The following PCDHGA7 variants were observed in gnomAD, a reference collection of about 807,000 sequenced individuals.
PCDHGA7 encodes protocadherin gamma subfamily A, 7, also known as protocadherin gamma-A7.
PCDHGA7 carries 44 observed loss-of-function variants against 58.3 expected under a neutral mutation model. The ratio of observed to expected loss-of-function variants is 0.75; its 90% CI spans 0.59 to 0.97. The LOEUF (loss-of-function observed/expected upper bound fraction) is 0.97, where lower values mean the gene tolerates loss of function less well. Among genes scored for constraint, PCDHGA7 ranks in the 50% least tolerant of loss-of-function variants. PCDHGA7 has a pLI of 0.00. For synonymous variants in PCDHGA7, 516 were observed against 504.2 expected, an observed-to-expected ratio of 1.02 and a Z score of -0.31; for missense variants, 1,266 against 1,188.7, an observed-to-expected ratio of 1.06 and a Z score of -0.96.
At chr5:141,456,352 C>T (rs1253586137) in intron 1 of PCDHGA7, among the ~76,000 whole-genome samples, 1 of 152,050 alleles carries the variant, frequency 6.6e-6, no homozygotes, top group Non-Finnish European at 1.5e-5. Flanking sequence ...GGAAGAATGG[C>T]GTCCATGTGT....
At chr5:141,497,307 C>T (rs1295364802) in intron 2 of PCDHGA7, among the ~76,000 whole-genome samples, 1 of 152,096 alleles carries the variant, frequency 6.6e-6, no homozygotes, top group Non-Finnish European at 1.5e-5. Flanking sequence ...CCAGGCCATA[C>T]ACTGGCTTTG....
intron 1 of PCDHGA7, among the ~76,000 whole-genome samples, chr5:141,444,203 C>A (rs2098425806): frequency 1.3e-5 from 1 of 79,180 alleles, no homozygotes; most frequent in Admixed American, 2.0e-4. Context: ...TGGAGTTTCA[C>A]TCTTGTTGCC....
chr5:141,397,200 G>A (rs2093487150), intron 1 of PCDHGA7, among the ~76,000 whole-genome samples: 1 of 152,154 alleles, frequency 6.6e-6, no homozygotes, highest in Non-Finnish European at 1.5e-5. Context: ...TAAAAGATAT[G>A]ACATAAGAGA....
chr5:141,463,965 C>T (rs1207852177), intron 1 of PCDHGA7, among the ~76,000 whole-genome samples: 1 of 151,648 alleles, frequency 6.6e-6, no homozygotes, highest in African/African-American at 2.4e-5. Context: ...AAAATAGCTT[C>T]ATAAAACTCC....
In PCDHGA7 at chr5:141,383,834, C is replaced by T; in HGVS notation, c.935C>T (p.Thr312Ile). Residue 312 changes from threonine (T) to isoleucine (I), a missense_variant, in exon 1 of 4, where the codon ACT becomes ATT. Transcript: ENST00000518325. ...TTAGAAGGATTAGATTATGAAGAAACTGCCTTCTATGAAATGGAGGTTCAG... is the reference window on the plus strand; with the variant it reads ...TTAGAAGGATTAGATTATGAAGAAATTGCCTTCTATGAAATGGAGGTTCAG... ...STLEGLDYEE[T>I]AFYEMEVQAQ... 2.5e-6 allele frequency: 4 copies of T among 1,613,906 alleles called. No individual in the cohort carries two copies. Among genetic ancestry groups the T allele is most frequent in the Non-Finnish European group, 3.4e-6 (4 of 1,179,844 alleles).
chr5:141,413,134 G>A, intron 1 of PCDHGA7: 1 of 1,543,438 alleles, frequency 6.5e-7, no homozygotes, highest in South Asian at 1.3e-5. Flanking sequence ...AACACACAAC[G>A]TGTCCAGTGA....
intron 1 of PCDHGA7, among the ~76,000 whole-genome samples, chr5:141,436,896 A>C (rs567359498): frequency 6.6e-6 from 1 of 152,368 alleles, no homozygotes; most frequent in East Asian, 1.9e-4. Context: ...AAAGATTTTT[A>C]TATGAGACAA....
intron 1 of PCDHGA7, among the ~76,000 whole-genome samples, chr5:141,444,150 GGATTT>G (rs2098419598): frequency 1.8e-5 from 2 of 114,012 alleles, no homozygotes; most frequent in Non-Finnish European, 3.5e-5. Flanking sequence ...TGTGTGTACT[GGATTT>G]TTTTTTTTTT....
chr5:141,386,951 G>C (rs1313182720), intron 1 of PCDHGA7, among the ~76,000 whole-genome samples: 4 of 152,342 alleles, frequency 2.6e-5, no homozygotes, highest in Non-Finnish European at 4.4e-5. Flanking sequence ...CAGTGCTTCA[G>C]TGCAGCAGAT....
At chr5:141,461,614 T>G (rs954890718) in intron 1 of PCDHGA7, among the ~76,000 whole-genome samples, 11 of 152,208 alleles carry the variant, frequency 7.2e-5, no homozygotes, top group Non-Finnish European at 1.2e-4. Flanking sequence ...TTCAAAGTAT[T>G]TTCTAATACA....
chr5:141,386,090 T>C (rs184634259), intron 1 of PCDHGA7: 1 of 152,362 alleles, frequency 6.6e-6, no homozygotes, highest in Non-Finnish European at 1.5e-5. Context: ...TACAGCCAGA[T>C]GAAGTGTGTC....
rs1173306822 is a variant in PCDHGA7 at position 141,431,115 on chromosome 5, T to C, written c.2424+45792T>C. The C allele has an allele frequency of 9.3e-6, 15 of 1,613,492 alleles. No individual in the cohort carries two copies. The highest frequency in any genetic ancestry group is 1.3e-5 in the Non-Finnish European group (15 of 1,179,878). On this transcript the variant is annotated intron_variant, in intron 1 of 3. Coordinates refer to ENST00000518325, the MANE Select transcript of PCDHGA7 (RefSeq NM_018920.4). The surrounding 1 kb of genome is among the most constrained non-coding windows in gnomAD (Gnocchi z 4.8). The stretch of plus-strand genomic sequence containing the variant: ...GAGGATAAAGTGAAAATATATGGAG[T>C]AGAAGTAGAAGTAAGGGACATTAAC...
Position 141,477,778 on chromosome 5 carries a change from C to T in PCDHGA7, c.2425-17029C>T, listed in dbSNP as rs866423908. On this transcript the variant is annotated intron_variant, in intron 1 of 3. Transcript: ENST00000518325. This position sits in a 1 kb window ranked among gnomAD's most constrained non-coding sequence, Gnocchi z 4.9. ...TCCTAGCCACCAACATCAGCGTGAA[C>T]ATATTTGTCACTGATCGCAATGACA... 2.5e-6 allele frequency: 4 copies of T among 1,614,052 alleles called. No homozygotes were observed. In the African/African-American group the frequency reaches 5.3e-5, roughly 22 times the overall value.
At chr5:141,508,017 G>C (rs2099865601) in intron 3 of PCDHGA7, 1 of 152,310 alleles carries the variant, frequency 6.6e-6, no homozygotes, top group Non-Finnish European at 1.5e-5. Context: ...TCTCAAGGAG[G>C]CTGCGGTTTG....
At chr5:141,479,242 A>G (rs2099491093) in intron 1 of PCDHGA7, 1 of 152,320 alleles carries the variant, frequency 6.6e-6, no homozygotes, top group African/African-American at 2.4e-5. Context: ...AAACCCAAAG[A>G]TAACCATTTT....
Position 141,404,625 on chromosome 5 carries a change from A to G in PCDHGA7, c.2424+19302A>G, listed in dbSNP as rs375300806. The G allele has an allele frequency of 9.0e-5, 146 of 1,614,036 alleles. No homozygotes were observed. The highest frequency in any genetic ancestry group is 5.1e-4 in the South Asian group (46 of 91,078). On this transcript the variant is annotated intron_variant, in intron 1 of 3. Transcript: ENST00000518325. ...CTGTTTGTTTTGGACCAGAATGACA[A>G]TGCCCCAGAAATCCTGTACCCTGCC...
At chr5:141,510,626 AGGTG>A (rs2099882005) in intron 3 of PCDHGA7, among the ~76,000 whole-genome samples, 1 of 152,144 alleles carries the variant, frequency 6.6e-6, no homozygotes, top group Admixed American at 6.5e-5. Context: ...AAACCAGAAG[AGGTG>A]GTTACCATTA....
chr5:141,423,405 G>T (rs1444037259), intron 1 of PCDHGA7: 1 of 1,614,154 alleles, frequency 6.2e-7, no homozygotes, highest in African/African-American at 1.3e-5. Context: ...CACGCCTGCT[G>T]CAGGCTTCTG....
intron 1 of PCDHGA7, chr5:141,430,828 G>C (rs760402028): frequency 1.3e-6 from 2 of 1,554,030 alleles, no homozygotes; most frequent in East Asian, 2.2e-5. Context: ...TGGGGACTCT[G>C]TGGGAGACCG....
Sources: allele counts gnomAD v4.1 joint callset (sites outside exome capture counted in the v4.1 genomes callset), GRCh38; gene constraint gnomAD v4.1.1; non-coding constraint Gnocchi (gnomAD v3.1); transcripts MANE v1.5; gene names NCBI Gene and HGNC (gene_info 2026-07-23, HGNC 2026-07-21).